The following BTC variants were observed in gnomAD, a reference collection of about 807,000 sequenced individuals.
BTC encodes the protein probetacellulin.
A neutral mutation model predicts 18.1 loss-of-function variants in BTC; 13 were observed. That is an observed-to-expected ratio of 0.72 (90% confidence interval 0.47 to 1.14). The LOEUF (loss-of-function observed/expected upper bound fraction) is 1.14. Ranked by LOEUF, BTC falls within the 50% of genes most tolerant of loss-of-function variation. The pLI, the probability that BTC is intolerant of heterozygous loss-of-function variation, is 0.00. For synonymous variants in BTC, 83 were observed against 79.4 expected (o/e 1.05, Z -0.24); for missense variants, 247 against 224.2 (o/e 1.10, Z -0.65).
chr4:74,749,679 G>GTTTTTTTTTTTTTT (rs368443449), intron 4 of BTC, among the ~76,000 whole-genome samples: 10 of 77,826 alleles, frequency 1.3e-4, no homozygotes, highest in Non-Finnish European at 2.3e-4. Flanking sequence ...TAATAAGATA[G>GTTTTTTTTTTTTTT]TTTTTTTTGT....
chr4:74,792,005 A>G (rs573663343), intron 1 of BTC, among the ~76,000 whole-genome samples: 1 of 137,286 alleles, frequency 7.3e-6, no homozygotes, highest in African/African-American at 3.2e-5. Context: ...ACACACACAC[A>G]CAAACACTAG....
intron 3 of BTC, among the ~76,000 whole-genome samples, chr4:74,753,296 T>A (rs1257797232): frequency 2.0e-5 from 3 of 152,204 alleles, no homozygotes; most frequent in African/African-American, 7.2e-5. Flanking sequence ...TCTATGAATA[T>A]TAACTGGATC....
intron 2 of BTC, among the ~76,000 whole-genome samples, chr4:74,758,362 G>A: frequency 6.6e-6 from 1 of 152,106 alleles, no homozygotes; most frequent in East Asian, 1.9e-4. Flanking sequence ...GGACCATTTT[G>A]TCACCATATT....
Position 74,748,039 on chromosome 4 carries a change from C to T in BTC, c.*1+1G>A, listed in dbSNP as rs1724336232. 6.4e-7 allele frequency: 1 copy of T among 1,564,018 alleles called. No homozygotes were observed. The highest frequency in any genetic ancestry group is 1.7e-5 in the Admixed American group (1 of 58,134). ...TCTATCAGCAAGTTTATCTCACTTACTTTAAGCAATATTTGTCTCTTCAAT... is the reference window on the plus strand; with the variant it reads ...TCTATCAGCAAGTTTATCTCACTTATTTTAAGCAATATTTGTCTCTTCAAT... On this transcript the variant is annotated splice_donor_variant, in intron 5 of 5. Coordinates refer to ENST00000395743, the MANE Select transcript of BTC (RefSeq NM_001729.4). LOFTEE classifies it low-confidence loss of function (3UTR_SPLICE).
chr4:74,769,736 T>A (rs190207324), intron 2 of BTC, among the ~76,000 whole-genome samples: 30 of 152,298 alleles, frequency 2.0e-4, no homozygotes, highest in African/African-American at 6.7e-4. Context: ...GTCTGGAGCA[T>A]GCATCTGTGA....
intron 5 of BTC, 41 bp downstream of exon 5, chr4:74,747,999 T>C (rs1553955630): frequency 4.4e-6 from 5 of 1,137,506 alleles, no homozygotes; most frequent in South Asian, 3.0e-5. Flanking sequence ...CAGTTAAATG[T>C]CACCTGAATA....
chr4:74,793,040 T>C (rs185862080), intron 1 of BTC, among the ~76,000 whole-genome samples: 77 of 152,352 alleles, frequency 5.1e-4, no homozygotes, highest in African/African-American at 1.9e-3. Context: ...TTGGATAGTT[T>C]AGACACGGTG....
At chr4:74,790,782 G>A (rs920341419) in intron 1 of BTC, among the ~76,000 whole-genome samples, 3 of 152,176 alleles carry the variant, frequency 2.0e-5, no homozygotes, top group Non-Finnish European at 2.9e-5. Context: ...AACATTATTA[G>A]TCAGGCTAGC....
intron 2 of BTC, among the ~76,000 whole-genome samples, chr4:74,756,853 C>A (rs12710868): frequency 0.62 from 93,667 of 152,108 alleles, 28,929 homozygotes; most frequent in East Asian, 0.66. Context: ...TAATTTTTCA[C>A]CTGAGAATAG....
chr4:74,750,593 G>A lies in BTC; in HGVS notation c.408C>T (p.Ile136=), dbSNP rs79897654. ...CTTACTGACAGCATGTGCAGACACC[G>A]ATGACCAAAATAATAAAAACTACCA... ...AVMVVFIILV[I]GVCTCCHPLR... is the part of the protein sequence containing the mutation. The change falls in exon 4 of 6, where the codon ATC becomes ATT. Residue 136 remains isoleucine, a synonymous_variant. Coordinates refer to ENST00000395743, the MANE Select transcript of BTC (RefSeq NM_001729.4). The A allele has an allele frequency of 5.1e-5, 82 of 1,613,154 alleles. No homozygotes were observed. In the East Asian group the frequency reaches 1.5e-3, roughly 29 times the overall value.
chr4:74,775,020 G>A (rs755934005), intron 1 of BTC, among the ~76,000 whole-genome samples: 2 of 152,052 alleles, frequency 1.3e-5, no homozygotes, highest in Non-Finnish European at 2.9e-5. Flanking sequence ...AGAGTTTACC[G>A]CTTGGATAAC....
chr4:74,767,869 C>CA (rs113166661), intron 2 of BTC, among the ~76,000 whole-genome samples: 1,559 of 152,150 alleles, frequency 0.01, 22 homozygotes, highest in African/African-American at 0.036. Flanking sequence ...GCTTGTTATA[C>CA]AAAAATCAAC....
Position 74,794,293 on chromosome 4 carries a change from G to C in BTC, c.33C>G (p.Ser11Arg). Residue 11 changes from serine to arginine, a missense_variant, in exon 1 of 6, where the codon AGC becomes AGG. Transcript: ENST00000395743. ...CAAGGGCCAGGAGCAGTGGCAGGGA[G>C]CTGGCGCCGCTGCACCGGGCGGCCC... MDRAARCSGASSLPLLLALAL... is the reference protein window; with the variant it reads MDRAARCSGARSLPLLLALAL... The C allele has an allele frequency of 6.5e-7, 1 of 1,549,116 alleles. No homozygotes were observed.
At chr4:74,747,023 G>A (rs886199703) in intron 5 of BTC, among the ~76,000 whole-genome samples, 2 of 152,196 alleles carry the variant, frequency 1.3e-5, no homozygotes, top group Admixed American at 6.5e-5. Context: ...GCAGAAAGAG[G>A]GAAATAATCT....
chr4:74,774,327 T>G (rs28575371), intron 1 of BTC, among the ~76,000 whole-genome samples: 27,213 of 151,518 alleles, frequency 0.18, 4,043 homozygotes, highest in African/African-American at 0.41. Flanking sequence ...TATGAGAGAA[T>G]ATAAGGTCAG....
In BTC at chr4:74,746,376, T is replaced by C. The variant is rs1323272821; in HGVS notation, c.*301A>G. On this transcript the variant is annotated 3_prime_UTR_variant, in exon 6 of 6. Transcript: ENST00000395743. ...AATTCCTAAGACCTAACCTCCTTTCTACTTTTCTTTTTTGTTTGACTAGTA... is the reference window on the plus strand; with the variant it reads ...AATTCCTAAGACCTAACCTCCTTTCCACTTTTCTTTTTTGTTTGACTAGTA... The C allele has an allele frequency of 3.3e-5, 5 of 152,598 alleles. No individual in the cohort carries two copies. The highest frequency in any genetic ancestry group is 1.2e-4 in the African/African-American group (5 of 41,462). The allele number at this position is 152,598 out of a possible 1,614,324, so 9.5% of individuals were successfully genotyped here. A position where few individuals can be genotyped will look rare whatever the true frequency, so the allele number is the denominator to read the frequency against.
In BTC at chr4:74,750,859, C is replaced by T. The variant is rs571029112; in HGVS notation, c.282-140G>A. On this transcript the variant is annotated intron_variant, in intron 3 of 5. Transcript: ENST00000395743. The stretch of plus-strand genomic sequence containing the variant: ...TCCCTTTTTAAAAAAAGATGCACTA[C>T]TTTGTTGACCAGTAATTTCAATTTT... The T allele has an allele frequency of 1.4e-3, 1,582 of 1,155,490 alleles. 7 individuals are homozygous for T. The Middle Eastern group carries it at 0.017, about 12-fold the overall frequency. The allele number at this position is 1,155,490 out of a possible 1,614,324, so 71.6% of individuals were successfully genotyped here. A position where few individuals can be genotyped will look rare whatever the true frequency, so the allele number is the denominator to read the frequency against.
intron 2 of BTC, among the ~76,000 whole-genome samples, chr4:74,761,546 C>T (rs1020685675): frequency 6.6e-6 from 1 of 152,194 alleles, no homozygotes; most frequent in African/African-American, 2.4e-5. Context: ...TTAACACTAT[C>T]AAAATAGAAT....
At chr4:74,780,846 C>G (rs983543561) in intron 1 of BTC, among the ~76,000 whole-genome samples, 1 of 150,744 alleles carries the variant, frequency 6.6e-6, no homozygotes, top group Non-Finnish European at 1.5e-5. Context: ...TTCCCAGGTT[C>G]CAAGTGGCCT....
Sources: gnomAD v4.1 joint callset for allele counts (sites outside exome capture counted in the v4.1 genomes callset) on GRCh38, gnomAD v4.1.1 for gene constraint, MANE v1.5 for transcripts, NCBI Gene and HGNC (gene_info 2026-07-23, HGNC 2026-07-21) for gene names.